The following BANP variants were observed in gnomAD, a reference collection of about 807,000 sequenced individuals.
BANP encodes the protein protein BANP.
A neutral mutation model predicts 68.1 loss-of-function variants in BANP; 11 were observed. The observed-to-expected ratio is 0.16, with a 90% CI of 0.10 to 0.27. The LOEUF is 0.27. Ranked by LOEUF, BANP falls within the 10% of genes least tolerant of loss-of-function variation. The probability of loss-of-function intolerance (pLI) is 1.00; values close to 1 mark genes in which losing one functional copy is unlikely to be tolerated. For missense variants in BANP, 504 were observed against 722.7 expected, an observed-to-expected ratio of 0.70 and a Z score of 3.47; for synonymous variants, 329 against 303.2, an observed-to-expected ratio of 1.09 and a Z score of -0.88.
chr16:87,994,154 G>GAGAAA (rs2066603373), intron 4 of BANP, among the ~76,000 whole-genome samples: 1 of 152,220 alleles, frequency 6.6e-6, no homozygotes, highest in Admixed American at 6.5e-5. Flanking sequence ...AGGGCCCTGG[G>GAGAAA]CGGCTTTTCA....
intron 11 of BANP, among the ~76,000 whole-genome samples, chr16:88,044,479 C>A (rs1344110713): frequency 6.6e-6 from 1 of 152,236 alleles, no homozygotes. Context: ...GTTTTCTGTT[C>A]TGCTTTTCTG....
intron 11 of BANP, among the ~76,000 whole-genome samples, chr16:88,059,016 A>T (rs746490904): frequency 2.0e-5 from 3 of 151,690 alleles, no homozygotes; most frequent in Non-Finnish European, 4.4e-5. Flanking sequence ...CCCAGTGTGT[A>T]TCAGGGATGT....
intron 1 of BANP, among the ~76,000 whole-genome samples, chr16:87,969,072 A>G (rs977431608): frequency 3.3e-5 from 5 of 152,120 alleles, no homozygotes; most frequent in African/African-American, 1.2e-4. Flanking sequence ...GCCCTCGTCC[A>G]CACTGCCCTG....
intron 6 of BANP, among the ~76,000 whole-genome samples, chr16:88,007,528 C>G (rs1294884506): frequency 1.3e-5 from 2 of 152,234 alleles, no homozygotes; most frequent in Non-Finnish European, 2.9e-5. Context: ...CGTAAGTGAC[C>G]AGATGACTGT....
At position 88,035,409 on chromosome 16, in the gene BANP, G is replaced by A. The variant is rs371529384; in HGVS notation, c.1272+15G>A. ...AGGACAGCGAGGTGAGTCAGCTCTC[G>A]CTGCAGCACTGTCCCTGCAGGCACC... On this transcript the variant is annotated intron_variant, in intron 10 of 13. Transcript: ENST00000682872. 174 of 1,598,086 alleles carry A rather than the reference G, an allele frequency of 1.1e-4. 1 individual carries two copies. Among genetic ancestry groups the A allele is most frequent in the East Asian group, 5.7e-4 (25 of 44,104 alleles).
intron 2 of BANP, among the ~76,000 whole-genome samples, chr16:87,977,971 G>T (rs542876458): frequency 6.6e-6 from 1 of 152,080 alleles, no homozygotes; most frequent in South Asian, 2.1e-4. Context: ...AAGTAGCTGG[G>T]ATTACAGGTG....
At chr16:87,979,852 C>G (rs1247200942) in intron 2 of BANP, among the ~76,000 whole-genome samples, 1 of 152,168 alleles carries the variant, frequency 6.6e-6, no homozygotes, top group African/African-American at 2.4e-5. Flanking sequence ...ATAGTCCCAG[C>G]TACTTGGGCT....
chr16:87,971,065 A>AT, intron 1 of BANP, among the ~76,000 whole-genome samples: 1 of 151,226 alleles, frequency 6.6e-6, no homozygotes, highest in Non-Finnish European at 1.5e-5. Context: ...CTGAATGAAC[A>AT]TTGTAACATT....
intron 6 of BANP, among the ~76,000 whole-genome samples, chr16:88,011,907 T>C (rs2073235943): frequency 6.6e-6 from 1 of 152,226 alleles, no homozygotes; most frequent in Non-Finnish European, 1.5e-5. Context: ...GGAGGTTCTT[T>C]TGAAGCATCC....
chr16:88,052,210 T>C (rs1305212299), intron 11 of BANP, among the ~76,000 whole-genome samples: 1 of 152,188 alleles, frequency 6.6e-6, no homozygotes, highest in Non-Finnish European at 1.5e-5. Context: ...TCAGCTCAAA[T>C]GTAGCATATG....
chr16:87,987,987 T>C (rs2064905906), intron 4 of BANP, among the ~76,000 whole-genome samples: 1 of 152,098 alleles, frequency 6.6e-6, no homozygotes, highest in Non-Finnish European at 1.5e-5. Flanking sequence ...TGGGCATCTT[T>C]CCATACAAGT....
At chr16:87,982,834 A>G (rs532313491) in intron 3 of BANP, 1 of 152,212 alleles carries the variant, frequency 6.6e-6, no homozygotes, top group Non-Finnish European at 1.5e-5. Context: ...CAGCTACATG[A>G]TGTATGATAT....
chr16:88,044,169 G>A (rs952318599), intron 11 of BANP, among the ~76,000 whole-genome samples: 3 of 152,246 alleles, frequency 2.0e-5, no homozygotes, highest in African/African-American at 7.2e-5. Context: ...GCATTCTGCG[G>A]CGATGCTGCC....
At chr16:87,996,831 A>G (rs778840430) in intron 4 of BANP, among the ~76,000 whole-genome samples, 3 of 152,260 alleles carry the variant, frequency 2.0e-5, no homozygotes, top group African/African-American at 4.8e-5. Flanking sequence ...GTAATAAAAC[A>G]TGGCAAACAC....
intron 11 of BANP, among the ~76,000 whole-genome samples, chr16:88,042,299 G>A (rs2081016280): frequency 3.3e-5 from 5 of 152,246 alleles, no homozygotes; most frequent in South Asian, 2.1e-4. Context: ...TTCAGGGGAC[G>A]GTGGCGGGTG....
chr16:87,992,110 C>G (rs1038954215), intron 4 of BANP, among the ~76,000 whole-genome samples: 4 of 152,178 alleles, frequency 2.6e-5, no homozygotes, highest in Non-Finnish European at 5.9e-5. Context: ...TCTGTATCTT[C>G]CGAGATGATG....
intron 6 of BANP, among the ~76,000 whole-genome samples, chr16:88,016,249 G>A (rs539196723): frequency 2.0e-5 from 3 of 152,372 alleles, no homozygotes; most frequent in South Asian, 2.1e-4. Context: ...AGCATGTGGC[G>A]CTGGGAAATG....
intron 11 of BANP, among the ~76,000 whole-genome samples, chr16:88,059,090 C>G (rs1323492029): frequency 6.6e-6 from 1 of 151,024 alleles, no homozygotes; most frequent in Non-Finnish European, 1.5e-5. Context: ...TGCTGAGGTC[C>G]GTGCTCCTGC....
intron 10 of BANP, 98 bp downstream of exon 10, chr16:88,035,492 C>T (rs942247513): frequency 1.7e-6 from 2 of 1,203,986 alleles, no homozygotes; most frequent in East Asian, 2.6e-5. Flanking sequence ...CAGGGAGCCC[C>T]CAGGACAGGG....
Sources: gnomAD v4.1 joint callset for allele counts (sites outside exome capture counted in the v4.1 genomes callset) on GRCh38, gnomAD v4.1.1 for gene constraint, MANE v1.5 for transcripts, NCBI Gene and HGNC (gene_info 2026-07-23, HGNC 2026-07-21) for gene names.